DZIP3: variants seen among roughly 807,000 people sequenced by gnomAD.
DZIP3 encodes E3 ubiquitin-protein ligase DZIP3.
Under a neutral mutation model 162.0 loss-of-function variants are expected in DZIP3, and 118 were observed. The observed-to-expected ratio is 0.73, with a 90% CI of 0.63 to 0.85. The LOEUF (loss-of-function observed/expected upper bound fraction) is 0.85. DZIP3 is among the 40% of genes least tolerant of loss of function. The pLI is 0.00. For synonymous variants in DZIP3, 438 were observed against 458.6 expected (o/e 0.96, Z 0.57); for missense variants, 1,331 against 1,407.0 (o/e 0.95, Z 0.86).
intron 1 of DZIP3, among the ~76,000 whole-genome samples, chr3:108,595,326 C>T (rs75276622): frequency 6.6e-6 from 1 of 152,088 alleles, no homozygotes; most frequent in South Asian, 2.1e-4. Flanking sequence ...TCAAGTAATC[C>T]TCCCACTTTA....
chr3:108,598,038 A>C (rs780978163), intron 1 of DZIP3, among the ~76,000 whole-genome samples: 9 of 152,222 alleles, frequency 5.9e-5, no homozygotes, highest in Non-Finnish European at 8.8e-5. Context: ...ACTCTTAGCA[A>C]AAACTAGTGT....
chr3:108,616,551 C>G lies in DZIP3; in HGVS notation c.269C>G (p.Ala90Gly), dbSNP rs1168764475. The change falls in exon 5 of 33, where the codon GCA becomes GGA. Residue 90 changes from alanine (A) to glycine (G), a missense_variant. Ala to Gly is a moderately conservative substitution (Grantham distance 60). Around this residue, in one of 2 missense-constraint regions of DZIP3, gnomAD observed 1,278 missense variants for 1,317.1 expected, o/e 0.97. Coordinates refer to ENST00000361582, the MANE Select transcript of DZIP3 (RefSeq NM_014648.4). ...FSFQTMQREV[A>G]ANSQNGEEIV... Reference sequence around the variant, plus strand: ...AATAATTTTCCACAGAGAGAAGTTGCAGCTAACAGCCAGAATGGTGAGGAA... The same window carrying G: ...AATAATTTTCCACAGAGAGAAGTTGGAGCTAACAGCCAGAATGGTGAGGAA... 11 of 1,604,524 alleles carry G rather than the reference C, an allele frequency of 6.9e-6. No individual in the cohort carries two copies. The Admixed American group carries it at 8.5e-5, about 12-fold the overall frequency.
chr3:108,611,173 G>C lies in DZIP3; in HGVS notation c.103-1G>C. The C allele has an allele frequency of 6.3e-7, 1 of 1,583,556 alleles. No homozygotes were observed. Among genetic ancestry groups the C allele is most frequent in the Non-Finnish European group, 8.5e-7 (1 of 1,171,554 alleles). On this transcript the variant is annotated splice_acceptor_variant, in intron 3 of 32. Coordinates refer to ENST00000361582, the MANE Select transcript of DZIP3 (RefSeq NM_014648.4). LOFTEE classifies it high-confidence loss of function. ...AATTTTTAATCAATAATGTCTTCTAGAACAAACAGGAAAATGACATACCTA... is the reference window on the plus strand; with the variant it reads ...AATTTTTAATCAATAATGTCTTCTACAACAAACAGGAAAATGACATACCTA...
chr3:108,635,245 A>G (rs531975830), intron 10 of DZIP3: 5 of 248,058 alleles, frequency 2.0e-5, no homozygotes, highest in Admixed American at 5.6e-5. Flanking sequence ...GTTTCTATCA[A>G]TTTGTTCCCT....
intron 18 of DZIP3, 89 bp from the exon 19 acceptor site, chr3:108,654,056 C>T: frequency 1.4e-6 from 2 of 1,382,022 alleles, no homozygotes; most frequent in Admixed American, 3.9e-5. Context: ...TCTTATGAAA[C>T]CAGTACAATA....
Position 108,688,610 on chromosome 3 carries a change from G to A in DZIP3, c.3288G>A (p.Val1096=). 1 of 1,611,810 alleles carries A rather than the reference G, an allele frequency of 6.2e-7. No homozygotes were observed. Among genetic ancestry groups the A allele is most frequent in the Non-Finnish European group, 8.5e-7 (1 of 1,179,458 alleles). The change falls in exon 30 of 33, where the codon GTG becomes GTA. Residue 1096 remains valine (V), a synonymous_variant. Transcript: ENST00000361582. Reference sequence around the variant, plus strand: ...ATTTTCAGAGTCAAGGAAAATCAGTGTCAAATGTTAATTGTGTTTCACCTA... The same window carrying A: ...ATTTTCAGAGTCAAGGAAAATCAGTATCAAATGTTAATTGTGTTTCACCTA... ...PKKSQSQGKS[V]SNVNCVSPSH...
chr3:108,661,113 G>A (rs1363083902), intron 19 of DZIP3, among the ~76,000 whole-genome samples: 2 of 152,168 alleles, frequency 1.3e-5, no homozygotes, highest in Non-Finnish European at 2.9e-5. Flanking sequence ...GATACCATTT[G>A]ACCCAGCCAT....
chr3:108,600,450 A>G (rs1939945280), intron 1 of DZIP3, among the ~76,000 whole-genome samples: 1 of 152,204 alleles, frequency 6.6e-6, no homozygotes, highest in Admixed American at 6.5e-5. Context: ...TTTAAAGACT[A>G]AAGTAGATGT....
chr3:108,649,296 A>G (rs1221763294), intron 17 of DZIP3, among the ~76,000 whole-genome samples: 1 of 151,874 alleles, frequency 6.6e-6, no homozygotes, highest in African/African-American at 2.4e-5. Flanking sequence ...GCTTTTTGTC[A>G]TGTCTTTATT....
At chr3:108,590,476 C>T (rs10511272) in intron 1 of DZIP3, among the ~76,000 whole-genome samples, 34,694 of 151,884 alleles carry the variant, frequency 0.23, 4,666 homozygotes, top group Non-Finnish European at 0.3. Flanking sequence ...ATGATTTAAC[C>T]AGTTGGGACA....
intron 19 of DZIP3, among the ~76,000 whole-genome samples, chr3:108,661,379 G>A (rs1037543322): frequency 7.9e-5 from 12 of 152,010 alleles, no homozygotes; most frequent in East Asian, 1.9e-4. Context: ...GCAAACTATC[G>A]CAAGGACAAA....
At position 108,589,726 on chromosome 3, in the gene DZIP3, A is replaced by T. The variant is rs1323255097; in HGVS notation, c.-186A>T. On this transcript the variant is annotated 5_prime_UTR_variant, in exon 1 of 33. Coordinates refer to ENST00000361582, the MANE Select transcript of DZIP3 (RefSeq NM_014648.4). ...TTAGGAGAAGGGGGATTCCTCACTC[A>T]GCTGTGCGCTCTGATTTCGTGCGCT... is the stretch of plus-strand genomic sequence containing the variant. 1 of 191,872 alleles carries T rather than the reference A, an allele frequency of 5.2e-6. No individual in the cohort carries two copies. The highest frequency in any genetic ancestry group is 8.5e-5 in the South Asian group (1 of 11,696). The allele number at this position is 191,872 out of a possible 1,614,324, so 11.9% of individuals were successfully genotyped here.
At chr3:108,688,517 C>A in intron 29 of DZIP3, 76 bp from the exon 30 acceptor site, 1 of 1,471,484 alleles carries the variant, frequency 6.8e-7, no homozygotes, top group Non-Finnish European at 9.2e-7. Flanking sequence ...TACTATACCC[C>A]GTTCTGTACT....
intron 7 of DZIP3, 60 bp from the exon 8 acceptor site, chr3:108,629,002 G>C: frequency 2.0e-6 from 2 of 1,020,098 alleles, no homozygotes; most frequent in Non-Finnish European, 2.8e-6. Context: ...TTGTCTCATT[G>C]GTAAACCATG....
chr3:108,642,746 T>A (rs1041196220), intron 13 of DZIP3, among the ~76,000 whole-genome samples: 1 of 152,322 alleles, frequency 6.6e-6, no homozygotes, highest in Non-Finnish European at 1.5e-5. Context: ...ATGCTAGGTC[T>A]GGTGCATAGC....
At position 108,689,013 on chromosome 3, in the gene DZIP3, G is replaced by T; in HGVS notation, c.3516+89G>T. 4.7e-6 allele frequency: 6 copies of T among 1,270,260 alleles called. No individual in the cohort carries two copies. The South Asian group carries it at 6.4e-5, about 13-fold the overall frequency. 78.7% of individuals were successfully genotyped at this position (1,270,260 alleles called of 1,614,324 possible). On this transcript the variant is annotated intron_variant, in intron 31 of 32. Coordinates refer to ENST00000361582, the MANE Select transcript of DZIP3 (RefSeq NM_014648.4). ...TATACATGTATCATTATCCATTGTT[G>T]TCTCACAAGTTCCACTGGATATAAC...
Position 108,608,043 on chromosome 3 carries a change from T to A in DZIP3, c.33-46T>A, listed in dbSNP as rs776765312. 2.0e-5 allele frequency: 30 copies of A among 1,480,794 alleles called. No homozygotes were observed. The South Asian group carries it at 3.5e-4, about 17-fold the overall frequency. The allele number at this position is 1,480,794 out of a possible 1,614,324, so 91.7% of individuals were successfully genotyped here. ...TTCTTTACTACTACAATTTGTGTTCTTTGTGAGAAGATGCTCTTAATATAC... is the reference window on the plus strand; with the variant it reads ...TTCTTTACTACTACAATTTGTGTTCATTGTGAGAAGATGCTCTTAATATAC... On this transcript the variant is annotated intron_variant, in intron 2 of 32. Coordinates refer to ENST00000361582, the MANE Select transcript of DZIP3 (RefSeq NM_014648.4).
At chr3:108,690,934 T>C in intron 32 of DZIP3, 31 bp downstream of exon 32, 2 of 1,584,760 alleles carry the variant, frequency 1.3e-6, no homozygotes, top group Non-Finnish European at 1.7e-6. Context: ...GAAGCTCAGT[T>C]TTCTTTTATT....
chr3:108,693,377 A>T lies in DZIP3; in HGVS notation c.*24A>T, dbSNP rs191929898. The T allele has an allele frequency of 6.6e-6, 1 of 152,278 alleles. No homozygotes were observed. The highest frequency in any genetic ancestry group is 6.5e-5 in the Admixed American group (1 of 15,286). 9.4% of individuals were successfully genotyped at this position (152,278 alleles called of 1,614,324 possible). ...TTAAATAGGTACCCATGAAGAGATT[A>T]TGAACTACTTGAAGGTGGAGACTGT... On this transcript the variant is annotated 3_prime_UTR_variant, in exon 33 of 33. Coordinates refer to ENST00000361582, the MANE Select transcript of DZIP3 (RefSeq NM_014648.4).
Sources: allele counts gnomAD v4.1 joint callset (sites outside exome capture counted in the v4.1 genomes callset), GRCh38; gene constraint gnomAD v4.1.1; regional missense constraint gnomAD v4.1.1; transcripts MANE v1.5; gene names NCBI Gene and HGNC (gene_info 2026-07-23, HGNC 2026-07-21).